Variants in USP36 observed in about 807,000 individuals in gnomAD.
The protein encoded by USP36 is ubiquitin specific peptidase 36, also known as ubiquitin carboxyl-terminal hydrolase 36.
USP36 carries 59 observed loss-of-function variants against 111.5 expected under a neutral mutation model. The ratio of observed to expected loss-of-function variants is 0.53; its 90% CI spans 0.43 to 0.66. The LOEUF (loss-of-function observed/expected upper bound fraction) is 0.66. Ranked by LOEUF, USP36 falls within the 30% of genes least tolerant of loss-of-function variation. The pLI is 0.00. For synonymous variants in USP36, 628 were observed against 581.0 expected (o/e 1.08, Z -1.16); for missense variants, 1,488 against 1,468.0 (o/e 1.01, Z -0.22).
chr17:78,808,410 C>T (rs1366638519), intron 13 of USP36, among the ~76,000 whole-genome samples: 1 of 152,064 alleles, frequency 6.6e-6, no homozygotes, highest in Non-Finnish European at 1.5e-5. Flanking sequence ...ACCACCACAC[C>T]CGAATAATTA....
rs2094103957 is a variant in USP36 at position 78,813,018 on chromosome 17, A to T, written c.1266-17T>A. The T allele has an allele frequency of 6.2e-7, 1 of 1,613,574 alleles. No homozygotes were observed. On this transcript the variant is annotated splice_polypyrimidine_tract_variant and intron_variant, in intron 12 of 20. Transcript: ENST00000449938. ...CCTGGAATTCTGTCAAAGGAAGAAAACAAGTAGGGAATTCTCTTACTAGGC... is the reference window on the plus strand; with the variant it reads ...CCTGGAATTCTGTCAAAGGAAGAAATCAAGTAGGGAATTCTCTTACTAGGC...
intron 1 of USP36, chr17:78,840,456 C>T (rs1430366919): frequency 1.3e-5 from 2 of 152,508 alleles, no homozygotes; most frequent in Non-Finnish European, 2.9e-5. Flanking sequence ...ACCCCCATCA[C>T]CGGCCCGGAG....
At position 78,809,563 on chromosome 17, in the gene USP36, C is replaced by T. The variant is rs116643275; in HGVS notation, c.1408-1927G>A. On this transcript the variant is annotated intron_variant, in intron 13 of 20. Transcript: ENST00000449938. Reference sequence around the variant, plus strand: ...AGGTGTGCCTGACACAGGGACTCTCCTTGAGCCAATCTCCACCCTCGGGCA... The same window carrying T: ...AGGTGTGCCTGACACAGGGACTCTCTTTGAGCCAATCTCCACCCTCGGGCA... Among the ~76,000 whole-genome samples the T allele has an allele frequency of 3.3e-3, 501 of 152,274 alleles. 1 individual carries two copies. Among genetic ancestry groups the T allele is most frequent in the African/African-American group, 0.011 (462 of 41,560 alleles).
At chr17:78,826,527 C>G (rs1384960336) in intron 6 of USP36, 1 of 152,670 alleles carries the variant, frequency 6.6e-6, no homozygotes, top group African/African-American at 2.4e-5. Context: ...ATTTCAATCA[C>G]TTATTGCCAC....
chr17:78,793,595 G>A (rs562133721), downstream of USP36, among the ~76,000 whole-genome samples: 6 of 152,250 alleles, frequency 3.9e-5, no homozygotes, highest in East Asian at 5.8e-4. Context: ...AAAGCTGCCC[G>A]TCTGCATGTC....
At chr17:78,839,565 G>A (rs542669927) in intron 1 of USP36, among the ~76,000 whole-genome samples, 9 of 152,282 alleles carry the variant, frequency 5.9e-5, no homozygotes, top group East Asian at 1.9e-4. Flanking sequence ...GAACCACTTA[G>A]GGAGGGGATA....
rs374046674 is a variant in USP36, at chr17:78,803,292, G to A, written c.2810+93C>T. The A allele has an allele frequency of 1.5e-4, 208 of 1,387,978 alleles. No homozygotes were observed. The East Asian group carries it at 2.4e-3, about 16-fold the overall frequency. The allele number at this position is 1,387,978 out of a possible 1,614,324, so 86.0% of individuals were successfully genotyped here. On this transcript the variant is annotated intron_variant, in intron 16 of 20. Coordinates refer to ENST00000449938, the MANE Select transcript of USP36 (RefSeq NM_001385174.1). This position sits in a 1 kb window ranked among gnomAD's most constrained non-coding sequence, Gnocchi z 4.6. ...TTAGAAAACCACGCAAGCAGACTAC[G>A]TTTCCAGACCATACCTACTTGGGGG...
intron 13 of USP36, among the ~76,000 whole-genome samples, 169 bp downstream of exon 13, chr17:78,812,691 T>C (rs7220532): frequency 0.5 from 67,264 of 134,070 alleles, 16,914 homozygotes; most frequent in East Asian, 0.56. Context: ...AGCGAGACTC[T>C]GTCTCGAAAA....
intron 2 of USP36, among the ~76,000 whole-genome samples, chr17:78,837,476 C>T (rs2068790131): frequency 6.6e-6 from 1 of 152,038 alleles, no homozygotes; most frequent in Admixed American, 6.6e-5. Context: ...TGTAAAATAG[C>T]AACAAAAATA....
intron 13 of USP36, among the ~76,000 whole-genome samples, chr17:78,811,130 CAA>C (rs969048033): frequency 1.1e-4 from 3 of 28,360 alleles, no homozygotes; most frequent in Non-Finnish European, 2.2e-4. Context: ...GACTCTGTCT[CAA>C]AAAAAAAAAA....
intron 11 of USP36, 60 bp from the exon 12 acceptor site, chr17:78,813,933 A>C (rs2094125725): frequency 1.4e-6 from 2 of 1,456,126 alleles, no homozygotes; most frequent in Admixed American, 1.9e-5. Context: ...CATTATCCTC[A>C]CTTTTTAAAA....
At chr17:78,808,874 A>T (rs1456378620) in intron 13 of USP36, among the ~76,000 whole-genome samples, 1 of 151,940 alleles carries the variant, frequency 6.6e-6, no homozygotes, top group East Asian at 1.9e-4. Context: ...ATATTTGTTG[A>T]GCTTTTCCTG....
At chr17:78,822,717 G>A (rs73407927) in intron 6 of USP36, among the ~76,000 whole-genome samples, 10,162 of 152,224 alleles carry the variant, frequency 0.067, 1,083 homozygotes, top group African/African-American at 0.23. Flanking sequence ...ACGCTGGAAG[G>A]TTCTGAAACA....
chr17:78,810,786 T>TCCCTTCC (rs2094030132), intron 13 of USP36, among the ~76,000 whole-genome samples: 1 of 152,046 alleles, frequency 6.6e-6, no homozygotes, highest in Admixed American at 6.6e-5. Flanking sequence ...GGTTCAACTC[T>TCCCTTCC]TCATTCTAAA....
rs1567915960 is a variant in USP36, at chr17:78,803,785, GC to G, written c.2409del (p.Glu803AspfsTer94). On this transcript the variant is annotated frameshift_variant, in exon 16 of 21. Transcript: ENST00000449938. LOFTEE classifies it high-confidence loss of function. The surrounding 1 kb of genome is among the most constrained non-coding windows in gnomAD (Gnocchi z 4.6). ...SLPHQLPEAS[E>X]PPQSPSEKRK... is the part of the protein sequence containing the mutation. Reference sequence around the variant, plus strand: ...CTCTTCTCAGAGGGGCTCTGGGGGGGCTCACTGGCCTCTGGCAACTGGTGTG... The same window carrying G: ...CTCTTCTCAGAGGGGCTCTGGGGGGGTCACTGGCCTCTGGCAACTGGTGTG... 6.2e-7 allele frequency: 1 copy of G among 1,612,804 alleles called. No homozygotes were observed. Among genetic ancestry groups the G allele is most frequent in the East Asian group, 2.2e-5 (1 of 44,878 alleles).
At chr17:78,807,829 C>T (rs1298061256) in intron 13 of USP36, among the ~76,000 whole-genome samples, 193 bp from the exon 14 acceptor site, 1 of 152,114 alleles carries the variant, frequency 6.6e-6, no homozygotes, top group East Asian at 1.9e-4. Context: ...TGTGACATCC[C>T]AAGAACAGGG....
chr17:78,813,964 G>T, intron 11 of USP36, 91 bp from the exon 12 acceptor site: 2 of 1,082,126 alleles, frequency 1.8e-6, no homozygotes, highest in Non-Finnish European at 1.4e-6. Context: ...AAATCTGTTA[G>T]TTGCTACATT....
Position 78,806,128 on chromosome 17 carries a change from ACCCAGAAGAT to A in USP36, c.2216+18_2216+27del. 6.2e-7 allele frequency: 1 copy of A among 1,612,156 alleles called. No homozygotes were observed. Among genetic ancestry groups the A allele is most frequent in the Admixed American group, 1.7e-5 (1 of 59,814 alleles). On this transcript the variant is annotated intron_variant, in intron 15 of 20. Coordinates refer to ENST00000449938, the MANE Select transcript of USP36 (RefSeq NM_001385174.1). ...GCAACCACAGGGAGAACCAGTTGGC[ACCCAGAAGAT>A]CCCGGCCCAAAGCTTACCTGGCTCT...
In USP36 at chr17:78,803,524, C is replaced by T; in HGVS notation, c.2671G>A (p.Gly891Ser). ...QLPAVRRQED[G>S]TQPQVNGQQV... is the part of the protein sequence containing the mutation. ...TGGCCATTCACCTGTGGCTGTGTGC[C>T]ATCTTCCTGCCGTCTGACAGCGGGC... Residue 891 changes from glycine to serine, a missense_variant, in exon 16 of 21, where the codon GGC becomes AGC. By Grantham distance (56) the Gly-to-Ser change is moderately conservative. Transcript: ENST00000449938. This position sits in a 1 kb window ranked among gnomAD's most constrained non-coding sequence, Gnocchi z 4.6. 1 of 1,613,894 alleles carries T rather than the reference C, an allele frequency of 6.2e-7. No individual in the cohort carries two copies. Among genetic ancestry groups the T allele is most frequent in the Non-Finnish European group, 8.5e-7 (1 of 1,180,040 alleles).
Sources: gnomAD v4.1 joint callset for allele counts (sites outside exome capture counted in the v4.1 genomes callset) on GRCh38, gnomAD v4.1.1 for gene constraint, Gnocchi (gnomAD v3.1) non-coding constraint, MANE v1.5 for transcripts, NCBI Gene and HGNC (gene_info 2026-07-23, HGNC 2026-07-21) for gene names.